CDH23: variants seen among roughly 807,000 people sequenced by gnomAD.
CDH23 encodes the protein cadherin related 23.
A neutral mutation model predicts 317.1 loss-of-function variants in CDH23; 189 were observed. The observed-to-expected ratio is 0.60, with a 90% CI of 0.53 to 0.67. CDH23 has a LOEUF of 0.67. Among genes scored for constraint, CDH23 ranks in the 30% least tolerant of loss-of-function variants. The probability of loss-of-function intolerance (pLI) is 0.00; values close to 1 mark genes in which losing one functional copy is unlikely to be tolerated. For synonymous variants in CDH23, 1,839 were observed against 1,876.8 expected (o/e 0.98, Z 0.52); for missense variants, 4,401 against 4,592.4 (o/e 0.96, Z 1.20).
chr10:71,707,062 C>T lies in CDH23; in HGVS notation c.3106+13C>T, dbSNP rs772132328. 6.3e-7 allele frequency: 1 copy of T among 1,593,226 alleles called. No homozygotes were observed. Among genetic ancestry groups the T allele is most frequent in the South Asian group, 1.1e-5 (1 of 87,928 alleles). Reference sequence around the variant, plus strand: ...TACTTCATCACAGGTGCTGCCCCGGCCTCCGCCCACCTGTGCAGGCCTCCT... The same window carrying T: ...TACTTCATCACAGGTGCTGCCCCGGTCTCCGCCCACCTGTGCAGGCCTCCT... On this transcript the variant is annotated intron_variant, in intron 26 of 69. Coordinates refer to ENST00000224721, the MANE Select transcript of CDH23 (RefSeq NM_022124.6).
intron 21 of CDH23, among the ~76,000 whole-genome samples, chr10:71,694,600 T>C (rs1187413760): frequency 6.6e-6 from 1 of 152,136 alleles, no homozygotes; most frequent in Non-Finnish European, 1.5e-5. Context: ...GAAGCAGGCA[T>C]TCCTGCGAGG....
rs781695075 is a variant in CDH23, at chr10:71,679,398, A to G, written c.1764A>G (p.Glu588=). Reference sequence around the variant, plus strand: ...CCTCTTCCTTTCAGGCAACAGATGAAGACTCCCCTCCCAACAACCAGATCA... The same window carrying G: ...CCTCTTCCTTTCAGGCAACAGATGAGGACTCCCCTCCCAACAACCAGATCA... ...TQLVRLRATD[E]DSPPNNQITY... Residue 588 remains glutamate, a synonymous_variant, in exon 17 of 70, where the codon GAA becomes GAG. Transcript: ENST00000224721. 2 of 1,613,496 alleles carry G rather than the reference A, an allele frequency of 1.2e-6. No homozygotes were observed. Among genetic ancestry groups the G allele is most frequent in the South Asian group, 1.1e-5 (1 of 90,960 alleles).
intron 9 of CDH23, among the ~76,000 whole-genome samples, chr10:71,591,326 C>T (rs1859480557): frequency 6.6e-6 from 1 of 152,184 alleles, no homozygotes; most frequent in South Asian, 2.1e-4. Flanking sequence ...ACGGTTATTC[C>T]ATTCTTGATT....
At chr10:71,600,507 C>A (rs952561578) in intron 9 of CDH23, among the ~76,000 whole-genome samples, 1 of 150,722 alleles carries the variant, frequency 6.6e-6, no homozygotes, top group African/African-American at 2.4e-5. Context: ...TTTGTTTGAC[C>A]GCAGAACTTT....
At chr10:71,514,021 G>A (rs1042556854) in intron 6 of CDH23, among the ~76,000 whole-genome samples, 3 of 152,016 alleles carry the variant, frequency 2.0e-5, no homozygotes, top group Non-Finnish European at 4.4e-5. Flanking sequence ...CTAAGGAAGA[G>A]CTTCCTAATA....
At chr10:71,656,045 A>T (rs544735640) in intron 14 of CDH23, among the ~76,000 whole-genome samples, 2 of 152,122 alleles carry the variant, frequency 1.3e-5, no homozygotes, top group East Asian at 3.9e-4. Context: ...TCCAGACCTT[A>T]GTTTCCTGCT....
intron 9 of CDH23, among the ~76,000 whole-genome samples, chr10:71,582,553 G>T (rs3861032): frequency 6.6e-6 from 1 of 152,098 alleles, no homozygotes; most frequent in African/African-American, 2.4e-5. Context: ...TCTAGAGTTA[G>T]GTGGCCTCGG....
intron 6 of CDH23, among the ~76,000 whole-genome samples, chr10:71,535,040 C>T (rs10823777): frequency 0.19 from 28,765 of 152,250 alleles, 3,379 homozygotes; most frequent in South Asian, 0.34. Context: ...TGCCTGTGCC[C>T]TCCGCGGCTC....
At chr10:71,414,092 A>G (rs1259427082) in intron 1 of CDH23, among the ~76,000 whole-genome samples, 1 of 137,936 alleles carries the variant, frequency 7.2e-6, no homozygotes, top group South Asian at 2.2e-4. Context: ...TGTAATTGTT[A>G]GAGTTTTTTG....
rs375102725 is a variant in CDH23 at position 71,704,958 on chromosome 10, C to T, written c.2781C>T (p.Tyr927=). Residue 927 remains tyrosine (Y), a synonymous_variant, in exon 25 of 70, where the codon TAC becomes TAT. Coordinates refer to ENST00000224721, the MANE Select transcript of CDH23 (RefSeq NM_022124.6). ...LDEGLNGLVS[Y]RMPVGMPRMD... The stretch of plus-strand genomic sequence containing the variant: ...AGGGCCTGAACGGCCTGGTGTCCTA[C>T]CGCATGCCGGTGGGCATGCCCCGCA... 2.2e-4 allele frequency: 347 copies of T among 1,612,958 alleles called. 2 individuals are homozygous for T. In the African/African-American group the frequency reaches 4.1e-3, roughly 19 times the overall value.
At chr10:71,475,784 G>A (rs1851764025) in intron 3 of CDH23, among the ~76,000 whole-genome samples, 1 of 152,244 alleles carries the variant, frequency 6.6e-6, no homozygotes, top group East Asian at 1.9e-4. Flanking sequence ...AGGCCCTGAG[G>A]GGCGGAGGCT....
At chr10:71,746,906 AC>A (rs1839864646) in intron 38 of CDH23, among the ~76,000 whole-genome samples, 1 of 152,144 alleles carries the variant, frequency 6.6e-6, no homozygotes, top group African/African-American at 2.4e-5. Context: ...TGAGCTGGGG[AC>A]ACTGCTCTTG....
intron 11 of CDH23, chr10:71,622,905 A>C (rs942876315): frequency 7.8e-5 from 77 of 985,224 alleles, no homozygotes; most frequent in Non-Finnish European, 9.2e-5. Context: ...GGGAATTGGA[A>C]TATTTCAGAA....
At chr10:71,484,206 A>G (rs1852222828) in intron 3 of CDH23, among the ~76,000 whole-genome samples, 1 of 152,180 alleles carries the variant, frequency 6.6e-6, no homozygotes, top group Non-Finnish European at 1.5e-5. Flanking sequence ...TAATAACTGT[A>G]ATGCCAGCAT....
intron 3 of CDH23, among the ~76,000 whole-genome samples, chr10:71,499,527 A>C (rs950930877): frequency 6.6e-6 from 1 of 150,986 alleles, no homozygotes; most frequent in African/African-American, 2.4e-5. Flanking sequence ...ATGCCATTGC[A>C]CTCCAGCCTA....
Position 71,678,862 on chromosome 10 carries a change from T to C in CDH23, c.1753-525T>C, listed in dbSNP as rs902990649. ...TGTGGCCAAATACTGTGTTGGCCTG[T>C]AGGTATGCAGCAGCAATCAAGAAAC... On this transcript the variant is annotated intron_variant, in intron 16 of 69. Transcript: ENST00000224721. Among the ~76,000 whole-genome samples, 2 of 152,200 alleles carry C rather than the reference T, an allele frequency of 1.3e-5. 1 individual carries two copies. The highest frequency in any genetic ancestry group is 1.3e-4 in the Admixed American group (2 of 15,280).
intron 6 of CDH23, among the ~76,000 whole-genome samples, chr10:71,533,525 CCA>C (rs55659529): frequency 0.26 from 33,627 of 130,470 alleles, 4,069 homozygotes; most frequent in Non-Finnish European, 0.28. Flanking sequence ...TGGCTGGACA[CCA>C]CACACACACA....
chr10:71,574,117 C>A (rs1418194274), intron 8 of CDH23, among the ~76,000 whole-genome samples: 1 of 152,126 alleles, frequency 6.6e-6, no homozygotes, highest in East Asian at 1.9e-4. Context: ...CCCAGCACCC[C>A]CATTCCCAGC....
intron 6 of CDH23, among the ~76,000 whole-genome samples, chr10:71,521,519 A>T (rs930161793): frequency 3.3e-5 from 5 of 151,832 alleles, no homozygotes; most frequent in Admixed American, 2.0e-4. Flanking sequence ...CTTTCCTGCC[A>T]CCCAGCCTTT....
Sources: allele counts gnomAD v4.1 joint callset (sites outside exome capture counted in the v4.1 genomes callset), GRCh38; gene constraint gnomAD v4.1.1; transcripts MANE v1.5; gene names NCBI Gene and HGNC (gene_info 2026-07-23, HGNC 2026-07-21).